ULK4: variants seen among roughly 807,000 people sequenced by gnomAD.
The protein encoded by ULK4 is inactive serine/threonine-protein kinase ULK4.
A neutral mutation model predicts 160.6 loss-of-function variants in ULK4; 133 were observed. That is an observed-to-expected ratio of 0.83 (90% CI 0.72 to 0.96). The LOEUF (loss-of-function observed/expected upper bound fraction) is 0.96. ULK4 is among the 40% of genes least tolerant of loss of function. The pLI is 0.00. For synonymous variants in ULK4, 534 were observed against 539.8 expected (o/e 0.99, Z 0.15); for missense variants, 1,580 against 1,499.5 (o/e 1.05, Z -0.89).
intron 31 of ULK4, among the ~76,000 whole-genome samples, chr3:41,583,004 G>A (rs1283022903): frequency 1.3e-5 from 2 of 152,124 alleles, no homozygotes; most frequent in African/African-American, 2.4e-5. Flanking sequence ...TGATATTTAT[G>A]GCTTTCAAGA....
At chr3:41,309,279 A>G (rs1265246318) in intron 35 of ULK4, among the ~76,000 whole-genome samples, 2 of 151,960 alleles carry the variant, frequency 1.3e-5, no homozygotes, top group Admixed American at 1.3e-4. Flanking sequence ...ATGTTTCATG[A>G]AACATCTAGA....
intron 13 of ULK4, among the ~76,000 whole-genome samples, chr3:41,899,894 A>G (rs748966950): frequency 5.9e-5 from 9 of 152,236 alleles, no homozygotes; most frequent in African/African-American, 2.2e-4. Context: ...TAGAAAATAA[A>G]TAAGAATTCA....
At chr3:41,281,363 G>A (rs1362990709) in intron 35 of ULK4, among the ~76,000 whole-genome samples, 1 of 152,150 alleles carries the variant, frequency 6.6e-6, no homozygotes, top group Non-Finnish European at 1.5e-5. Flanking sequence ...GAAAATTTTG[G>A]ACCAATATCC....
intron 34 of ULK4, among the ~76,000 whole-genome samples, chr3:41,400,433 T>C (rs2082155089): frequency 6.6e-6 from 1 of 152,170 alleles, no homozygotes; most frequent in Admixed American, 6.5e-5. Flanking sequence ...GTTACATACA[T>C]GGAATCACAC....
At chr3:41,770,519 T>TTC (rs1476004509) in intron 21 of ULK4, among the ~76,000 whole-genome samples, 1 of 151,464 alleles carries the variant, frequency 6.6e-6, no homozygotes, top group African/African-American at 2.4e-5. Context: ...ACTTTTTTTT[T>TTC]TTTTTTTTGA....
At chr3:41,827,973 T>C (rs1559587089) in intron 18 of ULK4, among the ~76,000 whole-genome samples, 1 of 152,030 alleles carries the variant, frequency 6.6e-6, no homozygotes, top group Admixed American at 6.6e-5. Context: ...GCTTCATCCC[T>C]GGGATGCAAC....
intron 35 of ULK4, among the ~76,000 whole-genome samples, chr3:41,343,681 T>C (rs1278970321): frequency 1.3e-5 from 2 of 152,090 alleles, no homozygotes; most frequent in Non-Finnish European, 2.9e-5. Context: ...TGTGCAAAAA[T>C]CGCTAGTATT....
chr3:41,717,176 T>TATTA (rs2037297319), intron 23 of ULK4, among the ~76,000 whole-genome samples: 1 of 152,106 alleles, frequency 6.6e-6, no homozygotes, highest in Non-Finnish European at 1.5e-5. Context: ...GTATTATAGG[T>TATTA]GGGTGACGGA....
chr3:41,519,767 C>A (rs752961413), intron 32 of ULK4, among the ~76,000 whole-genome samples: 1 of 152,198 alleles, frequency 6.6e-6, no homozygotes, highest in African/African-American at 2.4e-5. Flanking sequence ...AGGAACTTTT[C>A]AGGGTCTTCT....
At chr3:41,309,763 T>A (rs942252908) in intron 35 of ULK4, among the ~76,000 whole-genome samples, 1 of 151,994 alleles carries the variant, frequency 6.6e-6, no homozygotes, top group African/African-American at 2.4e-5. Context: ...AAACCCTTCA[T>A]GAAAAAAATT....
chr3:41,910,055 T>C (rs113528686), intron 11 of ULK4, among the ~76,000 whole-genome samples: 19,021 of 152,040 alleles, frequency 0.13, 1,363 homozygotes, highest in Middle Eastern at 0.27. Context: ...CACCAGCACG[T>C]CCAGCTAATT....
intron 35 of ULK4, among the ~76,000 whole-genome samples, chr3:41,367,732 T>G (rs1358122400): frequency 1.3e-5 from 2 of 152,174 alleles, no homozygotes; most frequent in Non-Finnish European, 2.9e-5. Context: ...TATTGTGCAT[T>G]TTTACTTATT....
chr3:41,358,438 C>T (rs1040520393), intron 35 of ULK4, among the ~76,000 whole-genome samples: 1 of 152,168 alleles, frequency 6.6e-6, no homozygotes, highest in Non-Finnish European at 1.5e-5. Flanking sequence ...CAAGCTAAAT[C>T]AGCAGGCAAA....
chr3:41,930,899 G>T (rs896148717), intron 5 of ULK4, among the ~76,000 whole-genome samples: 2 of 152,186 alleles, frequency 1.3e-5, no homozygotes, highest in East Asian at 1.9e-4. Context: ...TGGGAATGTA[G>T]ATTGGTTCAA....
At chr3:41,680,961 T>A (rs1464814108) in intron 29 of ULK4, among the ~76,000 whole-genome samples, 1 of 152,230 alleles carries the variant, frequency 6.6e-6, no homozygotes, top group Non-Finnish European at 1.5e-5. Flanking sequence ...GTGCCCTCAG[T>A]AGTCATCCTG....
At chr3:41,823,436 A>C (rs1011443075) in intron 18 of ULK4, among the ~76,000 whole-genome samples, 16 of 152,204 alleles carry the variant, frequency 1.1e-4, no homozygotes, top group African/African-American at 3.9e-4. Context: ...TTATGGGATA[A>C]AACAAAAAAG....
chr3:41,813,103 A>G (rs944200506), intron 19 of ULK4, among the ~76,000 whole-genome samples: 2 of 152,164 alleles, frequency 1.3e-5, no homozygotes, highest in African/African-American at 2.4e-5. Context: ...GTGAGGTTCA[A>G]TGAGAACACA....
chr3:41,595,275 ACCTCTT>A (rs1241880652), intron 31 of ULK4, among the ~76,000 whole-genome samples: 2 of 151,948 alleles, frequency 1.3e-5, no homozygotes, highest in Admixed American at 6.6e-5. Context: ...AAGTGACTTG[ACCTCTT>A]CCTCTTCCTG....
chr3:41,646,295 C>G (rs1375442648), intron 30 of ULK4, among the ~76,000 whole-genome samples: 4 of 152,304 alleles, frequency 2.6e-5, no homozygotes, highest in African/African-American at 9.6e-5. Flanking sequence ...TCTCAATGAT[C>G]TTTACACTTT....
Sources: gnomAD v4.1 joint callset for allele counts (sites outside exome capture counted in the v4.1 genomes callset) on GRCh38, gnomAD v4.1.1 for gene constraint, MANE v1.5 for transcripts, NCBI Gene and HGNC (gene_info 2026-07-23, HGNC 2026-07-21) for gene names.